The following COG3 variants were observed in gnomAD, a reference collection of about 807,000 sequenced individuals.
COG3 encodes component of oligomeric golgi complex 3.
COG3 carries 32 observed loss-of-function variants against 114.1 expected under a neutral mutation model. The observed-to-expected ratio is 0.28, with a 90% CI of 0.21 to 0.38. The LOEUF (loss-of-function observed/expected upper bound fraction) is 0.38, where lower values mean the gene tolerates loss of function less well. COG3 is among the 10% of genes least tolerant of loss of function. The probability of loss-of-function intolerance (pLI) is 1.00; values close to 1 mark genes in which losing one functional copy is unlikely to be tolerated. For missense variants in COG3, 813 were observed against 973.2 expected (o/e 0.84, Z 2.19); for synonymous variants, 352 against 365.7 (o/e 0.96, Z 0.43).
intron 1 of COG3, among the ~76,000 whole-genome samples, chr13:45,470,388 A>T (rs1885400971): frequency 6.6e-6 from 1 of 152,214 alleles, no homozygotes; most frequent in Non-Finnish European, 1.5e-5. Context: ...AATACACTTA[A>T]AAGGACAGCT....
chr13:45,493,506 C>T lies in COG3; in HGVS notation c.1327+20C>T, dbSNP rs368267573. 19 of 1,598,988 alleles carry T rather than the reference C, an allele frequency of 1.2e-5. No individual in the cohort carries two copies. The highest frequency in any genetic ancestry group is 1.4e-5 in the Non-Finnish European group (16 of 1,170,956). Reference sequence around the variant, plus strand: ...ACAATGGTAAATGAGTAGAAATGATCATTTTAAGTTATATCACTGGCTCAA... The same window carrying T: ...ACAATGGTAAATGAGTAGAAATGATTATTTTAAGTTATATCACTGGCTCAA... On this transcript the variant is annotated intron_variant, in intron 12 of 22. Coordinates refer to ENST00000349995, the MANE Select transcript of COG3 (RefSeq NM_031431.4).
chr13:45,486,522 A>T lies in COG3; in HGVS notation c.871A>T (p.Asn291Tyr). ...RDPSSVPNAD[N>Y]AFTLFYVKFR... ...TCCTTCATCTGTACCTAATGCAGAC[A>T]ATGCCTTCACATTATTTTATGTGAA... The change falls in exon 8 of 23, where the codon AAT (asparagine) becomes TAT (tyrosine). Residue 291 changes from asparagine (N) to tyrosine (Y), a missense_variant. Physicochemically the swap from Asn to Tyr is moderately radical, Grantham distance 143 (BLOSUM62 -2). Coordinates refer to ENST00000349995, the MANE Select transcript of COG3 (RefSeq NM_031431.4). 1 of 1,610,616 alleles carries T rather than the reference A, an allele frequency of 6.2e-7. No individual in the cohort carries two copies. The highest frequency in any genetic ancestry group is 8.5e-7 in the Non-Finnish European group (1 of 1,176,884).
chr13:45,535,591 A>C lies in COG3; in HGVS notation c.*860A>C, dbSNP rs1184219179. 7 of 985,562 alleles carry C rather than the reference A, an allele frequency of 7.1e-6. No homozygotes were observed. The African/African-American group carries it at 1.2e-4, about 17-fold the overall frequency. 61.1% of individuals were successfully genotyped at this position (985,562 alleles called of 1,614,324 possible). A position where few individuals can be genotyped will look rare whatever the true frequency, so the allele number is the denominator to read the frequency against. On this transcript the variant is annotated 3_prime_UTR_variant, in exon 23 of 23. Coordinates refer to ENST00000349995, the MANE Select transcript of COG3 (RefSeq NM_031431.4). Reference sequence around the variant, plus strand: ...GGTTCAGGTCACCAGCCTTCTGTACACTGCCTTTGGTTTTAGCAGTTCTTT... The same window carrying C: ...GGTTCAGGTCACCAGCCTTCTGTACCCTGCCTTTGGTTTTAGCAGTTCTTT...
intron 15 of COG3, among the ~76,000 whole-genome samples, chr13:45,510,960 G>C (rs1870793275): frequency 6.6e-6 from 1 of 152,186 alleles, no homozygotes; most frequent in South Asian, 2.1e-4. Context: ...TGTAAAAAGA[G>C]AATAACATCA....
chr13:45,527,027 T>G (rs751529337), intron 20 of COG3, among the ~76,000 whole-genome samples: 3 of 152,188 alleles, frequency 2.0e-5, no homozygotes, highest in Non-Finnish European at 4.4e-5. Context: ...AATGAAACTC[T>G]TGGGTATGAT....
chr13:45,516,457 G>A (rs914903596), intron 17 of COG3, among the ~76,000 whole-genome samples, 194 bp downstream of exon 17: 1 of 152,168 alleles, frequency 6.6e-6, no homozygotes, highest in Non-Finnish European at 1.5e-5. Flanking sequence ...CTTTATGAAG[G>A]GAACTGTATC....
At chr13:45,505,196 A>G (rs983553895) in intron 14 of COG3, among the ~76,000 whole-genome samples, 2 of 148,334 alleles carry the variant, frequency 1.3e-5, no homozygotes, top group East Asian at 3.9e-4. Context: ...CAGAAAAATA[A>G]AAAAAAAAAG....
chr13:45,472,499 C>G (rs1026783188), intron 1 of COG3, among the ~76,000 whole-genome samples: 2 of 152,138 alleles, frequency 1.3e-5, no homozygotes, highest in Non-Finnish European at 2.9e-5. Context: ...TACCATCACA[C>G]AATTCTTGGA....
At chr13:45,491,056 T>C in intron 9 of COG3, 98 bp downstream of exon 9, 1 of 794,980 alleles carries the variant, frequency 1.3e-6, no homozygotes, top group South Asian at 1.7e-5. Flanking sequence ...AGCAATTGCC[T>C]TCCAGCTTGT....
chr13:45,478,909 A>G, intron 2 of COG3, 96 bp from the exon 3 acceptor site: 1 of 816,532 alleles, frequency 1.2e-6, no homozygotes, highest in South Asian at 1.5e-5. Flanking sequence ...TAAAACTTGG[A>G]TAACGTCTGT....
chr13:45,527,928 G>A (rs144987592), intron 20 of COG3, among the ~76,000 whole-genome samples: 1 of 152,052 alleles, frequency 6.6e-6, no homozygotes, highest in Non-Finnish European at 1.5e-5. Context: ...ACTCCATCTC[G>A]AGAGAGAGCT....
chr13:45,491,317 T>A, intron 9 of COG3, 95 bp from the exon 10 acceptor site: 1 of 1,314,696 alleles, frequency 7.6e-7, no homozygotes, highest in Non-Finnish European at 1.1e-6. Context: ...CCGTTATAGC[T>A]TTAAAAGAGG....
chr13:45,476,969 C>G (rs998415227), intron 2 of COG3, among the ~76,000 whole-genome samples: 1 of 152,118 alleles, frequency 6.6e-6, no homozygotes, highest in East Asian at 1.9e-4. Context: ...TTCTACAAAC[C>G]GATGAAGAAT....
intron 20 of COG3, among the ~76,000 whole-genome samples, chr13:45,527,379 C>G (rs80322984): frequency 1.5e-3 from 234 of 152,270 alleles, no homozygotes; most frequent in African/African-American, 5.2e-3. Flanking sequence ...AATGACAGTT[C>G]AGTTTATCTT....
At chr13:45,508,273 T>C (rs1333518974) in intron 14 of COG3, among the ~76,000 whole-genome samples, 1 of 150,038 alleles carries the variant, frequency 6.7e-6, no homozygotes, top group Non-Finnish European at 1.5e-5. Flanking sequence ...TTCTATTTTC[T>C]TATTATTGAA....
chr13:45,513,215 T>TTATA (rs5803299), intron 16 of COG3, among the ~76,000 whole-genome samples: 7 of 85,138 alleles, frequency 8.2e-5, no homozygotes, highest in African/African-American at 2.5e-4. Flanking sequence ...TACATATAAA[T>TTATA]TATATATATA....
In COG3 at chr13:45,513,222, T is replaced by TATATAATATATACATATAAATTATAC. The variant is rs1566265730; in HGVS notation, c.1809+1394_1809+1419dup. Reference sequence around the variant, plus strand: ...ATAATATATACATATAAATTATATATATATAATATATACATATAAATTATA... The same window carrying TATATAATATATACATATAAATTATAC: ...ATAATATATACATATAAATTATATATATATAATATATACATATAAATTATACATATAATATATACATATAAATTATA... On this transcript the variant is annotated intron_variant, in intron 16 of 22. Transcript: ENST00000349995. Among the ~76,000 whole-genome samples, 118 of 17,906 alleles carry TATATAATATATACATATAAATTATAC rather than the reference T, an allele frequency of 6.6e-3. 35 individuals are homozygous for TATATAATATATACATATAAATTATAC. The highest frequency in any genetic ancestry group is 0.012 in the African/African-American group (112 of 9,650). The allele number at this position is 17,906 out of a possible 152,430, so 11.7% of individuals were successfully genotyped here. A position where few individuals can be genotyped will look rare whatever the true frequency, so the allele number is the denominator to read the frequency against.
At chr13:45,500,069 T>A (rs9534164) in intron 13 of COG3, among the ~76,000 whole-genome samples, 4 of 44,340 alleles carry the variant, frequency 9.0e-5, no homozygotes, top group Non-Finnish European at 2.0e-4. Flanking sequence ...TGTGTGTGAG[T>A]GTGTGTGTGT....
chr13:45,509,199 C>T (rs2137878611), intron 14 of COG3, among the ~76,000 whole-genome samples: 1 of 152,244 alleles, frequency 6.6e-6, no homozygotes, highest in East Asian at 1.9e-4. Flanking sequence ...GCCACCACGC[C>T]TGACTAATTT....
Sources: gnomAD v4.1 joint callset for allele counts (sites outside exome capture counted in the v4.1 genomes callset) on GRCh38, gnomAD v4.1.1 for gene constraint, MANE v1.5 for transcripts, NCBI Gene and HGNC (gene_info 2026-07-23, HGNC 2026-07-21) for gene names.